Variants in MLANA observed in about 807,000 individuals in gnomAD.
The protein encoded by MLANA is melan-A, also known as melanoma antigen recognized by T-cells 1.
In MLANA, 21 loss-of-function variants were observed where a neutral mutation model predicts 15.7. That is an observed-to-expected ratio of 1.33 (90% confidence interval 0.95 to 1.92). The LOEUF (loss-of-function observed/expected upper bound fraction) is 1.92. Among genes scored for constraint, MLANA ranks in the 40% most tolerant of loss-of-function variants. The pLI is 0.00. For synonymous variants in MLANA, 56 were observed against 51.5 expected (o/e 1.09, Z -0.37); for missense variants, 164 against 143.8 (o/e 1.14, Z -0.72).
At chr9:5,904,791 T>TG (rs1220902109) in intron 3 of MLANA, among the ~76,000 whole-genome samples, 1 of 145,322 alleles carries the variant, frequency 6.9e-6, no homozygotes, top group Non-Finnish European at 1.5e-5. Flanking sequence ...TTTTTTTTTT[T>TG]GAGACGGAGT....
chr9:5,908,506 G>T (rs1406974537), intron 4 of MLANA, 134 bp from the exon 5 acceptor site: 3 of 781,550 alleles, frequency 3.8e-6, no homozygotes, highest in Non-Finnish European at 6.3e-6. Context: ...TCACTGGGCA[G>T]AAATTATATG....
rs531631769 is a variant in MLANA at position 5,897,030 on chromosome 9, C to T, written c.78-527C>T. 2.0e-4 allele frequency among the ~76,000 whole-genome samples: 30 copies of T among 152,306 alleles called. 1 individual carries two copies. The South Asian group carries it at 6.0e-3, about 31-fold the overall frequency. On this transcript the variant is annotated intron_variant, in intron 2 of 4. Transcript: ENST00000381477. ...TATGATCACCAGCGAGTCATGTATC[C>T]TCTGCCTTTTATTTCCTCTTCTGTG... is the stretch of plus-strand genomic sequence containing the variant.
Position 5,908,690 on chromosome 9 carries a change from A to G in MLANA, c.339A>G (p.Pro113=). 1 of 1,614,016 alleles carries G rather than the reference A, an allele frequency of 6.2e-7. No individual in the cohort carries two copies. Among genetic ancestry groups the G allele is most frequent in the Non-Finnish European group, 8.5e-7 (1 of 1,179,936 alleles). ...AYEKLSAEQS[P]PPYSP Reference sequence around the variant, plus strand: ...AGAAACTCTCTGCAGAACAGTCACCACCACCTTATTCACCTTAAGAGCCAG... The same window carrying G: ...AGAAACTCTCTGCAGAACAGTCACCGCCACCTTATTCACCTTAAGAGCCAG... Residue 113 remains proline (P), a synonymous_variant, in exon 5 of 5, where the codon CCA becomes CCG. Transcript: ENST00000381477.
Position 5,895,007 on chromosome 9 carries a change from T to G in MLANA, c.77+2456T>G, listed in dbSNP as rs1586921399. Among the ~76,000 whole-genome samples the G allele has an allele frequency of 2.0e-5, 3 of 152,354 alleles. No individual in the cohort carries two copies. The South Asian group carries it at 6.2e-4, about 32-fold the overall frequency. On this transcript the variant is annotated intron_variant, in intron 2 of 4. Coordinates refer to ENST00000381477, the MANE Select transcript of MLANA (RefSeq NM_005511.2). ...CGTGCATAAGCAGGGTCAGGTGGGT[T>G]ATCTGACATTTTCCTTGAGAACAAG...
intron 3 of MLANA, among the ~76,000 whole-genome samples, chr9:5,906,500 G>T (rs1177129115): frequency 2.0e-5 from 3 of 152,202 alleles, no homozygotes; most frequent in Admixed American, 2.0e-4. Context: ...TACTGGCAAT[G>T]AATTCCCTCA....
At chr9:5,906,656 C>G (rs1832835865) in intron 3 of MLANA, among the ~76,000 whole-genome samples, 1 of 152,222 alleles carries the variant, frequency 6.6e-6, no homozygotes, top group Non-Finnish European at 1.5e-5. Flanking sequence ...TGCACTAGAG[C>G]TTTACTTCTA....
chr9:5,906,601 T>C (rs1033821915), intron 3 of MLANA, among the ~76,000 whole-genome samples: 6 of 152,254 alleles, frequency 3.9e-5, no homozygotes, highest in African/African-American at 1.4e-4. Context: ...CTTCTTATCC[T>C]TCCCTTCAGA....
At chr9:5,896,444 T>G (rs927001040) in intron 2 of MLANA, among the ~76,000 whole-genome samples, 14 of 152,160 alleles carry the variant, frequency 9.2e-5, no homozygotes, top group African/African-American at 3.1e-4. Flanking sequence ...TCTATCCTGT[T>G]TGGAGACGGA....
rs1563822532 is a variant in MLANA at position 5,906,970 on chromosome 9, C to G, written c.260C>G (p.Ser87Cys). Residue 87 changes from serine to cysteine, a missense_variant, in exon 4 of 5, where the codon TCT becomes TGT. Coordinates refer to ENST00000381477, the MANE Select transcript of MLANA (RefSeq NM_005511.2). ...TTTGATCATCGGGACAGCAAAGTGT[C>G]TCTTCAAGAGAAAAACTGTGAACCT... ...EGFDHRDSKV[S>C]LQEKNCEPVV... 6.2e-7 allele frequency: 1 copy of G among 1,600,100 alleles called. No homozygotes were observed. Among genetic ancestry groups the G allele is most frequent in the African/African-American group, 1.4e-5 (1 of 73,966 alleles).
Position 5,908,883 on chromosome 9 carries a change from G to A in MLANA, c.*175G>A, listed in dbSNP as rs529289261. On this transcript the variant is annotated 3_prime_UTR_variant, in exon 5 of 5. Transcript: ENST00000381477. ...TCCGCTAGCAGTACTAATCATGTGAGGAAATGATGAGAAATATTAAATTGG... is the reference window on the plus strand; with the variant it reads ...TCCGCTAGCAGTACTAATCATGTGAAGAAATGATGAGAAATATTAAATTGG... The A allele has an allele frequency of 3.3e-5, 19 of 575,392 alleles. No individual in the cohort carries two copies. In the South Asian group the frequency reaches 4.2e-4, roughly 13 times the overall value. The allele number at this position is 575,392 out of a possible 1,614,324, so 35.6% of individuals were successfully genotyped here.
At chr9:5,899,347 C>G (rs1043730021) in intron 3 of MLANA, 1 of 152,120 alleles carries the variant, frequency 6.6e-6, no homozygotes, top group African/African-American at 2.4e-5. Context: ...GGATTCTTTC[C>G]CTCTTTGCCA....
Position 5,892,498 on chromosome 9 carries a change from C to A in MLANA, c.24C>A (p.Phe8Leu). Residue 8 changes from phenylalanine to leucine, a missense_variant, in exon 2 of 5, where the codon TTC becomes TTA. Phe to Leu is a conservative substitution (Grantham distance 22). Transcript: ENST00000381477. ...AGATGCCAAGAGAAGATGCTCACTT[C>A]ATCTATGGTTACCCCAAGAAGGGGC... MPREDAHFIYGYPKKGHG... is the reference protein window; with the variant it reads MPREDAHLIYGYPKKGHG... The A allele has an allele frequency of 1.2e-6, 2 of 1,613,860 alleles. No homozygotes were observed. The highest frequency in any genetic ancestry group is 2.2e-5 in the East Asian group (1 of 44,868).
chr9:5,896,432 G>A (rs866311124), intron 2 of MLANA, among the ~76,000 whole-genome samples: 4 of 152,120 alleles, frequency 2.6e-5, no homozygotes, highest in Non-Finnish European at 5.9e-5. Context: ...CCCATGGTTC[G>A]CTCTATCCTG....
intron 3 of MLANA, among the ~76,000 whole-genome samples, chr9:5,904,676 T>C (rs1194765744): frequency 6.6e-6 from 1 of 152,184 alleles, no homozygotes; most frequent in Non-Finnish European, 1.5e-5. Context: ...TTTCATCATG[T>C]TGGCCAGGCT....
Position 5,908,816 on chromosome 9 carries a change from A to C in MLANA, c.*108A>C. On this transcript the variant is annotated 3_prime_UTR_variant, in exon 5 of 5. Transcript: ENST00000381477. ...CTTTGGAATGGTGTAGGAAAAATGCAAGCCATCTCTAATAATAAGTCAGTG... is the reference window on the plus strand; with the variant it reads ...CTTTGGAATGGTGTAGGAAAAATGCCAGCCATCTCTAATAATAAGTCAGTG... 1 of 1,036,744 alleles carries C rather than the reference A, an allele frequency of 9.6e-7. No individual in the cohort carries two copies. Among genetic ancestry groups the C allele is most frequent in the African/African-American group, 1.6e-5 (1 of 62,992 alleles). The allele number at this position is 1,036,744 out of a possible 1,614,324, so 64.2% of individuals were successfully genotyped here. A position where few individuals can be genotyped will look rare whatever the true frequency, so the allele number is the denominator to read the frequency against.
intron 3 of MLANA, among the ~76,000 whole-genome samples, chr9:5,902,254 T>C (rs988915794): frequency 1.3e-5 from 2 of 152,236 alleles, no homozygotes; most frequent in Non-Finnish European, 2.9e-5. Flanking sequence ...TTTCAAAGAA[T>C]TGTTACATTC....
At chr9:5,901,992 TG>T (rs1832458730) in intron 3 of MLANA, among the ~76,000 whole-genome samples, 1 of 147,864 alleles carries the variant, frequency 6.8e-6, no homozygotes, top group East Asian at 2.0e-4. Context: ...TTGCAATATC[TG>T]TCTGGTATTA....
Position 5,908,949 on chromosome 9 carries a change from T to G in MLANA, c.*241T>G, listed in dbSNP as rs904949800. Reference sequence around the variant, plus strand: ...AAATGTTGCAATGCATGATACTATCTGTGCCAGAGGTAATGTTAGTAAATC... The same window carrying G: ...AAATGTTGCAATGCATGATACTATCGGTGCCAGAGGTAATGTTAGTAAATC... On this transcript the variant is annotated 3_prime_UTR_variant, in exon 5 of 5. Transcript: ENST00000381477. The G allele has an allele frequency of 3.2e-5, 15 of 469,282 alleles. No homozygotes were observed. 29.1% of individuals were successfully genotyped at this position (469,282 alleles called of 1,614,324 possible).
chr9:5,907,022 G>T, intron 4 of MLANA, 24 bp downstream of exon 4: 1 of 1,444,976 alleles, frequency 6.9e-7, no homozygotes. Context: ...CTTCATAAGG[G>T]TATTTTCATG....
Sources: gnomAD v4.1 joint callset for allele counts (sites outside exome capture counted in the v4.1 genomes callset) on GRCh38, gnomAD v4.1.1 for gene constraint, MANE v1.5 for transcripts, NCBI Gene and HGNC (gene_info 2026-07-23, HGNC 2026-07-21) for gene names.